Variants in PDLIM5 observed in about 807,000 individuals in gnomAD.
PDLIM5 encodes the protein PDZ and LIM domain protein 5.
PDLIM5 carries 34 observed loss-of-function variants against 64.2 expected under a neutral mutation model. The observed-to-expected ratio is 0.53, with a 90% CI of 0.40 to 0.71. The LOEUF (loss-of-function observed/expected upper bound fraction) is 0.71. PDLIM5 is among the 30% of genes least tolerant of loss of function. The pLI, the probability that PDLIM5 is intolerant of heterozygous loss-of-function variation, is 0.00. For missense variants in PDLIM5, 683 were observed against 733.6 expected, an observed-to-expected ratio of 0.93 and a Z score of 0.80; for synonymous variants, 253 against 269.1, an observed-to-expected ratio of 0.94 and a Z score of 0.59.
chr4:94,603,578 C>T (rs1458406403), intron 7 of PDLIM5, among the ~76,000 whole-genome samples: 1 of 152,182 alleles, frequency 6.6e-6, no homozygotes, highest in South Asian at 2.1e-4. Flanking sequence ...GACATACATA[C>T]AGGGCACTGC....
At chr4:94,555,085 C>T (rs1175193692) in intron 3 of PDLIM5, among the ~76,000 whole-genome samples, 8 of 152,140 alleles carry the variant, frequency 5.3e-5, no homozygotes, top group East Asian at 3.8e-4. Context: ...TGGAGTCTCA[C>T]TCTGTTGCCC....
chr4:94,557,859 C>G (rs1052161180), intron 3 of PDLIM5, among the ~76,000 whole-genome samples: 4 of 152,128 alleles, frequency 2.6e-5, no homozygotes, highest in Admixed American at 6.6e-5. Flanking sequence ...CAAACAGGGA[C>G]AATTTGACTT....
At chr4:94,584,216 G>A (rs1735974741) in intron 5 of PDLIM5, among the ~76,000 whole-genome samples, 1 of 152,168 alleles carries the variant, frequency 6.6e-6, no homozygotes, top group African/African-American at 2.4e-5. Flanking sequence ...CCAGTAGTCT[G>A]CTAGTCCAGA....
chr4:94,596,268 T>G (rs1430271405), intron 7 of PDLIM5, among the ~76,000 whole-genome samples: 1 of 152,150 alleles, frequency 6.6e-6, no homozygotes, highest in East Asian at 1.9e-4. Context: ...CTATTAGCAC[T>G]TATAAAGATC....
intron 8 of PDLIM5, among the ~76,000 whole-genome samples, 167 bp from the exon 9 acceptor site, chr4:94,640,109 C>T (rs547454739): frequency 6.6e-6 from 1 of 152,054 alleles, no homozygotes; most frequent in East Asian, 1.9e-4. Context: ...TCCCATTTAC[C>T]TACATAGTCA....
Position 94,623,607 on chromosome 4 carries a change from A to G in PDLIM5, c.1108+5416A>G, listed in dbSNP as rs114148589. Among the ~76,000 whole-genome samples the G allele has an allele frequency of 6.4e-3, 971 of 151,008 alleles. 8 individuals carry two copies. The highest frequency in any genetic ancestry group is 0.022 in the African/African-American group (923 of 41,036). ...TTCCTTTGAGGACAGGGACCAAGTC[A>G]TACTGATCTGTTTTACAGCATCTAA... On this transcript the variant is annotated intron_variant, in intron 8 of 12. Transcript: ENST00000317968.
At chr4:94,531,775 A>G (rs777698813) in intron 3 of PDLIM5, among the ~76,000 whole-genome samples, 2 of 152,194 alleles carry the variant, frequency 1.3e-5, no homozygotes, top group Non-Finnish European at 2.9e-5. Flanking sequence ...GGATAGATGC[A>G]TAATAGGGGT....
chr4:94,576,354 C>T (rs1267578247), intron 5 of PDLIM5, among the ~76,000 whole-genome samples: 2 of 152,172 alleles, frequency 1.3e-5, no homozygotes, highest in African/African-American at 4.8e-5. Flanking sequence ...CTTTCTTCCT[C>T]AATTTTTTCA....
Position 94,662,425 on chromosome 4 carries a change from AT to A in PDLIM5, c.1591del (p.Tyr531MetfsTer15). On this transcript the variant is annotated frameshift_variant, in exon 12 of 13. Coordinates refer to ENST00000317968, the MANE Select transcript of PDLIM5 (RefSeq NM_006457.5). LOFTEE classifies it high-confidence loss of function. ...TCTCTGCCCTCCCTTAATACAGATTATTATGCCCTCTTTGGTACTATATGCC... is the reference window on the plus strand; with the variant it reads ...TCTCTGCCCTCCCTTAATACAGATTATATGCCCTCTTTGGTACTATATGCC... ...EDGEPYCETD[Y>X]YALFGTICHG... 1 of 1,439,654 alleles carries A rather than the reference AT, an allele frequency of 6.9e-7. No homozygotes were observed. Among genetic ancestry groups the A allele is most frequent in the Non-Finnish European group, 9.8e-7 (1 of 1,020,956 alleles). The allele number at this position is 1,439,654 out of a possible 1,614,324, so 89.2% of individuals were successfully genotyped here.
rs772645023 is a variant in PDLIM5, at chr4:94,662,423, T to A, written c.1587T>A (p.Asp529Glu). 3.2e-5 allele frequency: 46 copies of A among 1,423,294 alleles called. No homozygotes were observed. Among genetic ancestry groups the A allele is most frequent in the African/African-American group, 4.2e-5 (3 of 71,238 alleles). The allele number at this position is 1,423,294 out of a possible 1,614,324, so 88.2% of individuals were successfully genotyped here. The change falls in exon 12 of 13, where the codon GAT (aspartate) becomes GAA (glutamate). Residue 529 changes from aspartate (D) to glutamate (E), a missense_variant and splice_region_variant. By Grantham distance (45) the Asp-to-Glu change is conservative. Coordinates refer to ENST00000317968, the MANE Select transcript of PDLIM5 (RefSeq NM_006457.5). Reference sequence around the variant, plus strand: ...TCTCTCTGCCCTCCCTTAATACAGATTATTATGCCCTCTTTGGTACTATAT... The same window carrying A: ...TCTCTCTGCCCTCCCTTAATACAGAATATTATGCCCTCTTTGGTACTATAT... The part of the protein sequence containing the change: ...LEDGEPYCET[D>E]YYALFGTICH...
rs1428912599 is a variant in PDLIM5, at chr4:94,523,844, T to C, written c.217T>C (p.Cys73Arg). The change falls in exon 3 of 13, where the codon TGT (cysteine) becomes CGT (arginine). Residue 73 changes from cysteine to arginine, a missense_variant. Cys to Arg is a radical substitution (Grantham distance 180). Coordinates refer to ENST00000317968, the MANE Select transcript of PDLIM5 (RefSeq NM_006457.5). Reference sequence around the variant, plus strand: ...TGAAGCCCAGAATAAGATTAAGGGTTGTACAGGCTCTTTGAATATGACTCT... The same window carrying C: ...TGAAGCCCAGAATAAGATTAAGGGTCGTACAGGCTCTTTGAATATGACTCT... ...HLEAQNKIKG[C>R]TGSLNMTLQR... is the part of the protein sequence containing the mutation. 1 of 1,613,488 alleles carries C rather than the reference T, an allele frequency of 6.2e-7. No homozygotes were observed. Among genetic ancestry groups the C allele is most frequent in the Non-Finnish European group, 8.5e-7 (1 of 1,179,518 alleles).
intron 2 of PDLIM5, among the ~76,000 whole-genome samples, chr4:94,498,061 T>C (rs1449372772): frequency 1.3e-5 from 2 of 152,184 alleles, no homozygotes; most frequent in Non-Finnish European, 2.9e-5. Context: ...AACCTAGATA[T>C]TCAGCCAGTA....
At chr4:94,625,955 G>GTT (rs910396762) in intron 8 of PDLIM5, among the ~76,000 whole-genome samples, 1 of 152,158 alleles carries the variant, frequency 6.6e-6, no homozygotes, top group African/African-American at 2.4e-5. Context: ...AAAAACAAAA[G>GTT]TTTATGATTC....
chr4:94,636,611 T>C (rs1461231501), intron 8 of PDLIM5, among the ~76,000 whole-genome samples: 1 of 150,980 alleles, frequency 6.6e-6, no homozygotes, highest in Non-Finnish European at 1.5e-5. Flanking sequence ...CGATCTTGGC[T>C]CACTGCAAGC....
At chr4:94,631,550 C>T (rs771505988) in intron 8 of PDLIM5, among the ~76,000 whole-genome samples, 2 of 152,188 alleles carry the variant, frequency 1.3e-5, no homozygotes, top group African/African-American at 2.4e-5. Context: ...ACTATCCCCT[C>T]CTCCAAACTG....
At chr4:94,529,065 T>A (rs1160417790) in intron 3 of PDLIM5, among the ~76,000 whole-genome samples, 1 of 152,216 alleles carries the variant, frequency 6.6e-6, no homozygotes, top group Non-Finnish European at 1.5e-5. Context: ...GGCGAGAACT[T>A]GTAGGGCCTT....
At chr4:94,527,043 A>ATTTTTTT (rs1276607125) in intron 3 of PDLIM5, among the ~76,000 whole-genome samples, 1 of 94,304 alleles carries the variant, frequency 1.1e-5, no homozygotes, top group Non-Finnish European at 2.2e-5. Context: ...CCTGAACAGC[A>ATTTTTTT]TTCTTTTTTT....
At chr4:94,567,572 G>T (rs1186219169) in intron 3 of PDLIM5, among the ~76,000 whole-genome samples, 4 of 151,494 alleles carry the variant, frequency 2.6e-5, no homozygotes, top group African/African-American at 9.7e-5. Context: ...TAGAGTTTTG[G>T]TAGAAAATAA....
At chr4:94,628,356 G>A (rs1395197463) in intron 8 of PDLIM5, among the ~76,000 whole-genome samples, 2 of 152,068 alleles carry the variant, frequency 1.3e-5, no homozygotes, top group Non-Finnish European at 2.9e-5. Context: ...AAATGATAAA[G>A]TATCATTTAT....
Sources: allele counts gnomAD v4.1 joint callset (sites outside exome capture counted in the v4.1 genomes callset), GRCh38; gene constraint gnomAD v4.1.1; transcripts MANE v1.5; gene names NCBI Gene and HGNC (gene_info 2026-07-23, HGNC 2026-07-21).